Variants in ENAH observed in about 807,000 individuals in gnomAD.
ENAH encodes the protein ENAH actin regulator, also known as protein enabled homolog.
In ENAH, 23 loss-of-function variants were observed where a neutral mutation model predicts 78.7. That is an observed-to-expected ratio of 0.29 (90% CI 0.21 to 0.41). The LOEUF is 0.41. Among genes scored for constraint, ENAH ranks in the 10% least tolerant of loss-of-function variants. The pLI, the probability that ENAH is intolerant of heterozygous loss-of-function variation, is 1.00. For synonymous variants in ENAH, 226 were observed against 241.0 expected, an observed-to-expected ratio of 0.94 and a Z score of 0.58; for missense variants, 544 against 691.0, an observed-to-expected ratio of 0.79 and a Z score of 2.39.
At chr1:225,647,132 T>A (rs1044726567) in intron 1 of ENAH, among the ~76,000 whole-genome samples, 2 of 151,600 alleles carry the variant, frequency 1.3e-5, no homozygotes, top group Non-Finnish European at 2.9e-5. Context: ...AGGCTGAGGC[T>A]AGAGAATTGC....
chr1:225,652,714 C>T lies in ENAH; in HGVS notation c.-24G>A, dbSNP rs1663271990. ...ATGGTGCCGGCGGCGCAGAGGCTTC[C>T]CCACCAGCCGGGAGACGCAGAAGGC... On this transcript the variant is annotated 5_prime_UTR_variant, in exon 1 of 14. Coordinates refer to ENST00000366843, the MANE Select transcript of ENAH (RefSeq NM_018212.6). The T allele has an allele frequency of 1.5e-6, 2 of 1,318,128 alleles. No homozygotes were observed. Among genetic ancestry groups the T allele is most frequent in the Non-Finnish European group, 1.9e-6 (2 of 1,035,832 alleles). 81.7% of individuals were successfully genotyped at this position (1,318,128 alleles called of 1,614,324 possible).
chr1:225,511,905 T>C, intron 9 of ENAH, 46 bp from the exon 10 acceptor site: 2 of 1,304,604 alleles, frequency 1.5e-6, no homozygotes, highest in Non-Finnish European at 2.2e-6. Flanking sequence ...CAGTCCCCTG[T>C]TGCTATATAC....
At chr1:225,632,075 T>C (rs1192872486) in intron 1 of ENAH, among the ~76,000 whole-genome samples, 3 of 152,226 alleles carry the variant, frequency 2.0e-5, no homozygotes, top group African/African-American at 7.2e-5. Context: ...AAAAACAAGA[T>C]TGCAGTTATT....
chr1:225,647,660 T>C (rs887001052), intron 1 of ENAH, among the ~76,000 whole-genome samples: 3 of 152,206 alleles, frequency 2.0e-5, no homozygotes, highest in Admixed American at 6.5e-5. Context: ...ATTATGTTAT[T>C]AACATTTAGT....
intron 3 of ENAH, among the ~76,000 whole-genome samples, chr1:225,547,118 C>A (rs1330627165): frequency 1.3e-5 from 2 of 151,790 alleles, no homozygotes; most frequent in Non-Finnish European, 2.9e-5. Flanking sequence ...GTCGCCCAGG[C>A]TGGAGTGCAG....
chr1:225,563,697 CTAT>C (rs2096720226), intron 2 of ENAH, among the ~76,000 whole-genome samples: 1 of 152,118 alleles, frequency 6.6e-6, no homozygotes, highest in Non-Finnish European at 1.5e-5. Context: ...TTATTGAGGA[CTAT>C]TATATCTAGG....
intron 1 of ENAH, among the ~76,000 whole-genome samples, chr1:225,579,589 TAG>T (rs992496407): frequency 6.6e-6 from 1 of 152,140 alleles, no homozygotes; most frequent in African/African-American, 2.4e-5. Flanking sequence ...TAGATACAGA[TAG>T]AGATTCACAC....
rs201208433 is a variant in ENAH, at chr1:225,558,536, AT to A, written c.172-3454del. ...CTTCTTTCTTCATAATGGTTAAACCATTTTTTTTTTCAAGAGCTGTCCCTCA... is the reference window on the plus strand; with the variant it reads ...CTTCTTTCTTCATAATGGTTAAACCATTTTTTTTTCAAGAGCTGTCCCTCA... On this transcript the variant is annotated intron_variant, in intron 2 of 13. Coordinates refer to ENST00000366843, the MANE Select transcript of ENAH (RefSeq NM_018212.6). Among the ~76,000 whole-genome samples, 445 of 138,906 alleles carry A rather than the reference AT, an allele frequency of 3.2e-3. 7 individuals are homozygous for A. In the East Asian group the frequency reaches 0.052, roughly 16 times the overall value. The allele number at this position is 138,906 out of a possible 152,430, so 91.1% of individuals were successfully genotyped here. A position where few individuals can be genotyped will look rare whatever the true frequency, so the allele number is the denominator to read the frequency against.
chr1:225,577,137 T>G (rs933933533), intron 1 of ENAH, among the ~76,000 whole-genome samples: 3 of 152,074 alleles, frequency 2.0e-5, no homozygotes, highest in Non-Finnish European at 4.4e-5. Context: ...TTTAAAAAAC[T>G]TAAAAATCTG....
At position 225,547,078 on chromosome 1, in the gene ENAH, GTTTT is replaced by G. The variant is rs397968121; in HGVS notation, c.349+7824_349+7827del. On this transcript the variant is annotated intron_variant, in intron 3 of 13. Coordinates refer to ENST00000366843, the MANE Select transcript of ENAH (RefSeq NM_018212.6). ...TTGTTGTTGTTGTTGTTTTTGTTTT[GTTTT>G]TTTTTTTGAGACGGAGTCTCACTCT... 2.1e-5 allele frequency among the ~76,000 whole-genome samples: 3 copies of G among 145,052 alleles called. No individual in the cohort carries two copies. The Admixed American group carries it at 2.1e-4, about 10-fold the overall frequency.
intron 1 of ENAH, among the ~76,000 whole-genome samples, chr1:225,591,480 A>C (rs2096875654): frequency 6.7e-6 from 1 of 149,780 alleles, no homozygotes; most frequent in Non-Finnish European, 1.5e-5. Context: ...AAAAAAAAAA[A>C]AAACAGTCGG....
chr1:225,569,940 T>C (rs959542910), intron 1 of ENAH, among the ~76,000 whole-genome samples: 1 of 152,140 alleles, frequency 6.6e-6, no homozygotes, highest in South Asian at 2.1e-4. Flanking sequence ...GCGCAGTGGC[T>C]CACACCTGTA....
chr1:225,646,966 C>T (rs1004921381), intron 1 of ENAH, among the ~76,000 whole-genome samples: 9 of 151,734 alleles, frequency 5.9e-5, no homozygotes, highest in African/African-American at 2.2e-4. Context: ...GTGACTCACG[C>T]CTATAATCCC....
rs1436451516 is a variant in ENAH at position 225,491,100 on chromosome 1, T to TA, written c.*6674dup. Reference sequence around the variant, plus strand: ...AGTGACACCTGAGATCAACTGGTAGTAATAATGAAAAGCTGGTATTTCTCA... The same window carrying TA: ...AGTGACACCTGAGATCAACTGGTAGTAAATAATGAAAAGCTGGTATTTCTCA... On this transcript the variant is annotated 3_prime_UTR_variant, in exon 14 of 14. Coordinates refer to ENST00000366843, the MANE Select transcript of ENAH (RefSeq NM_018212.6). 1.3e-5 allele frequency: 2 copies of TA among 152,334 alleles called. No homozygotes were observed. The highest frequency in any genetic ancestry group is 2.4e-5 in the African/African-American group (1 of 41,564). 9.4% of individuals were successfully genotyped at this position (152,334 alleles called of 1,614,324 possible). A position where few individuals can be genotyped will look rare whatever the true frequency, so the allele number is the denominator to read the frequency against.
At chr1:225,637,425 T>C (rs1247731173) in intron 1 of ENAH, among the ~76,000 whole-genome samples, 1 of 152,230 alleles carries the variant, frequency 6.6e-6, no homozygotes, top group Non-Finnish European at 1.5e-5. Flanking sequence ...CAGGCTGGTC[T>C]AGAACTCCTG....
At chr1:225,510,699 T>TAA (rs770906084) in intron 10 of ENAH, among the ~76,000 whole-genome samples, 25 of 106,020 alleles carry the variant, frequency 2.4e-4, no homozygotes, top group Middle Eastern at 4.7e-3. Context: ...CAGAGGTACT[T>TAA]AAAAAAAAAA....
At chr1:225,535,072 T>G (rs746164710) in intron 3 of ENAH, among the ~76,000 whole-genome samples, 1 of 152,108 alleles carries the variant, frequency 6.6e-6, no homozygotes, top group Non-Finnish European at 1.5e-5. Context: ...CCTCACAACA[T>G]GCACACCTAA....
Position 225,649,061 on chromosome 1 carries a change from GGAGTAA to G in ENAH, c.5+3619_5+3624del, listed in dbSNP as rs1194954896. Among the ~76,000 whole-genome samples, 18 of 152,242 alleles carry G rather than the reference GGAGTAA, an allele frequency of 1.2e-4. No homozygotes were observed. In the East Asian group the frequency reaches 3.5e-3, roughly 29 times the overall value. On this transcript the variant is annotated intron_variant, in intron 1 of 13. Transcript: ENST00000366843. ...CATAGAAATAGGCCTGGAAACAGGA[GGAGTAA>G]CATAAATTTAAGGCTTACCAGTGTA...
intron 1 of ENAH, among the ~76,000 whole-genome samples, chr1:225,608,086 AG>A (rs2096965868): frequency 6.6e-6 from 1 of 152,068 alleles, no homozygotes; most frequent in Admixed American, 6.5e-5. Context: ...ATATCCTCAA[AG>A]GGTCGAAAAA....
Sources: gnomAD v4.1 joint callset for allele counts (sites outside exome capture counted in the v4.1 genomes callset) on GRCh38, gnomAD v4.1.1 for gene constraint, MANE v1.5 for transcripts, NCBI Gene and HGNC (gene_info 2026-07-23, HGNC 2026-07-21) for gene names.